The following GUCY1A2 variants were observed in gnomAD, a reference collection of about 807,000 sequenced individuals.
GUCY1A2 encodes guanylate cyclase 1 soluble subunit alpha 2.
A neutral mutation model predicts 63.5 loss-of-function variants in GUCY1A2; 27 were observed. The observed-to-expected ratio is 0.43, with a 90% CI of 0.31 to 0.59. The LOEUF (loss-of-function observed/expected upper bound fraction) is 0.59, where lower values mean the gene tolerates loss of function less well. Ranked by LOEUF, GUCY1A2 falls within the 20% of genes least tolerant of loss-of-function variation. The pLI is 0.11. For synonymous variants in GUCY1A2, 364 were observed against 343.5 expected, an observed-to-expected ratio of 1.06 and a Z score of -0.66; for missense variants, 768 against 913.3, an observed-to-expected ratio of 0.84 and a Z score of 2.05.
intron 2 of GUCY1A2, 47 bp downstream of exon 2, chr11:106,986,023 T>C: frequency 1.1e-6 from 1 of 933,564 alleles, no homozygotes; most frequent in Non-Finnish European, 1.8e-6. Flanking sequence ...TTTGAGTAAT[T>C]ACCTTTAATT....
At chr11:106,827,362 T>G in intron 4 of GUCY1A2, 1 of 1,555,528 alleles carries the variant, frequency 6.4e-7, no homozygotes, top group Non-Finnish European at 8.9e-7. Context: ...CCCTATAGCT[T>G]TATCTTTAAT....
At chr11:106,949,369 T>G (rs1860873686) in intron 3 of GUCY1A2, among the ~76,000 whole-genome samples, 1 of 152,180 alleles carries the variant, frequency 6.6e-6, no homozygotes, top group Admixed American at 6.5e-5. Context: ...GAACCACTTT[T>G]CAGTTTCCTG....
intron 4 of GUCY1A2, chr11:106,827,215 T>A (rs1170511628): frequency 3.3e-6 from 5 of 1,523,984 alleles, no homozygotes; most frequent in Non-Finnish European, 2.7e-6. Context: ...ATTATCTGAT[T>A]TAGATTTGCT....
chr11:106,794,548 A>G (rs904859626), intron 5 of GUCY1A2, among the ~76,000 whole-genome samples: 1 of 152,152 alleles, frequency 6.6e-6, no homozygotes, highest in Non-Finnish European at 1.5e-5. Flanking sequence ...GTCTGATAAT[A>G]GATCAACTAT....
At chr11:106,883,843 T>C (rs1417184452) in intron 4 of GUCY1A2, among the ~76,000 whole-genome samples, 3 of 152,078 alleles carry the variant, frequency 2.0e-5, no homozygotes, top group Admixed American at 1.3e-4. Flanking sequence ...ACATACACCA[T>C]GGAATACTAC....
At chr11:106,888,067 G>A (rs1359364694) in intron 4 of GUCY1A2, among the ~76,000 whole-genome samples, 5 of 152,052 alleles carry the variant, frequency 3.3e-5, no homozygotes, top group African/African-American at 9.7e-5. Flanking sequence ...TGAAGAGTGG[G>A]GGTTGGGGGA....
At chr11:106,800,672 T>G (rs1415047226) in intron 5 of GUCY1A2, among the ~76,000 whole-genome samples, 4 of 151,796 alleles carry the variant, frequency 2.6e-5, no homozygotes, top group African/African-American at 9.7e-5. Context: ...CTCACTCATA[T>G]GTGGGAATTG....
At chr11:106,725,022 T>C (rs1266546174) in intron 6 of GUCY1A2, among the ~76,000 whole-genome samples, 1 of 152,142 alleles carries the variant, frequency 6.6e-6, no homozygotes, top group Non-Finnish European at 1.5e-5. Flanking sequence ...ATTTTCACAA[T>C]AGAAATTTAA....
At chr11:106,787,870 T>C (rs1000402906) in intron 5 of GUCY1A2, among the ~76,000 whole-genome samples, 2 of 152,106 alleles carry the variant, frequency 1.3e-5, no homozygotes, top group African/African-American at 2.4e-5. Flanking sequence ...CTCTTCCATA[T>C]ACTTACTTCC....
chr11:107,017,707 G>T, intron 1 of GUCY1A2, 46 bp downstream of exon 1: 2 of 1,175,460 alleles, frequency 1.7e-6, no homozygotes, highest in Non-Finnish European at 2.2e-6. Context: ...TTACAGATCC[G>T]CGTTCTCTCC....
intron 6 of GUCY1A2, among the ~76,000 whole-genome samples, chr11:106,727,920 C>T (rs1863435585): frequency 6.6e-6 from 1 of 152,132 alleles, no homozygotes; most frequent in Non-Finnish European, 1.5e-5. Context: ...CTTTCTAAAA[C>T]ATTCTAAGAC....
intron 6 of GUCY1A2, among the ~76,000 whole-genome samples, chr11:106,762,862 C>G (rs1197742580): frequency 6.6e-6 from 1 of 151,994 alleles, no homozygotes; most frequent in East Asian, 1.9e-4. Context: ...CCAAATGTTT[C>G]ACAGTGTAAT....
intron 4 of GUCY1A2, among the ~76,000 whole-genome samples, chr11:106,821,035 A>T (rs868291623): frequency 6.6e-6 from 1 of 152,110 alleles, no homozygotes; most frequent in African/African-American, 2.4e-5. Flanking sequence ...TTCTTTTTTG[A>T]TAAATAAGCC....
At chr11:106,854,940 A>G (rs1223080417) in intron 4 of GUCY1A2, among the ~76,000 whole-genome samples, 3 of 152,072 alleles carry the variant, frequency 2.0e-5, no homozygotes, top group Non-Finnish European at 4.4e-5. Flanking sequence ...ATAGGCCAGA[A>G]TCCTGGGGAC....
chr11:106,976,287 A>G (rs1861261089), intron 3 of GUCY1A2, among the ~76,000 whole-genome samples: 1 of 152,104 alleles, frequency 6.6e-6, no homozygotes, highest in African/African-American at 2.4e-5. Context: ...AATTTTTCTT[A>G]TCTTGGTTGA....
intron 6 of GUCY1A2, among the ~76,000 whole-genome samples, chr11:106,754,392 A>T (rs1203893826): frequency 1.3e-5 from 2 of 152,036 alleles, no homozygotes; most frequent in Non-Finnish European, 2.9e-5. Context: ...CCAATACTAT[A>T]TTGAATAGGA....
chr11:106,984,211 A>G (rs1861373040), intron 2 of GUCY1A2, among the ~76,000 whole-genome samples: 1 of 152,232 alleles, frequency 6.6e-6, no homozygotes, highest in East Asian at 1.9e-4. Flanking sequence ...CCAAGAAATC[A>G]GCCAACACCC....
intron 1 of GUCY1A2, among the ~76,000 whole-genome samples, chr11:107,007,172 G>C (rs2120198073): frequency 6.6e-6 from 1 of 152,212 alleles, no homozygotes; most frequent in Non-Finnish European, 1.5e-5. Context: ...GCTTTTCAAG[G>C]ATTAGTCCTA....
rs1482032756 is a variant in GUCY1A2, at chr11:106,674,178, T to C, written c.*13371A>G. On this transcript the variant is annotated 3_prime_UTR_variant, in exon 8 of 8. Coordinates refer to ENST00000526355, the MANE Select transcript of GUCY1A2 (RefSeq NM_000855.3). ...CACTTTGTTTTATAAGAATCCCACG[T>C]TTCCATCACTTATTTTTCATATACA... 5.4e-6 allele frequency: 1 copy of C among 184,298 alleles called. No individual in the cohort carries two copies. The highest frequency in any genetic ancestry group is 1.2e-5 in the Non-Finnish European group (1 of 86,768). 11.4% of individuals were successfully genotyped at this position (184,298 alleles called of 1,614,324 possible).
Sources: gnomAD v4.1 joint callset for allele counts (sites outside exome capture counted in the v4.1 genomes callset) on GRCh38, gnomAD v4.1.1 for gene constraint, MANE v1.5 for transcripts, NCBI Gene and HGNC (gene_info 2026-07-23, HGNC 2026-07-21) for gene names.